The following KIF13A variants were observed in gnomAD, a reference collection of about 807,000 sequenced individuals.
KIF13A encodes the protein kinesin-like protein KIF13A.
KIF13A carries 79 observed loss-of-function variants against 212.2 expected under a neutral mutation model. The observed-to-expected ratio is 0.37, with a 90% CI of 0.31 to 0.45. The LOEUF (loss-of-function observed/expected upper bound fraction) is 0.45, where lower values mean the gene tolerates loss of function less well. Among genes scored for constraint, KIF13A ranks in the 20% least tolerant of loss-of-function variants. The pLI is 1.00. For missense variants in KIF13A, 1,901 were observed against 2,209.0 expected (o/e 0.86, Z 2.79); for synonymous variants, 789 against 808.6 (o/e 0.98, Z 0.41).
rs1761166246 is a variant in KIF13A at position 17,787,580 on chromosome 6, GT to G, written c.3361+195del. ...GCAGGAGGATCTCTTGAGGCCAGGA[GT>G]TAGAGGCTGCAGTGAGATATGATCC... On this transcript the variant is annotated intron_variant, in intron 27 of 38. Coordinates refer to ENST00000259711, the MANE Select transcript of KIF13A (RefSeq NM_022113.6). This position sits in a 1 kb window ranked among gnomAD's most constrained non-coding sequence, Gnocchi z 4.6. 6.6e-6 allele frequency among the ~76,000 whole-genome samples: 1 copy of G among 152,186 alleles called. No homozygotes were observed. The highest frequency in any genetic ancestry group is 1.5e-5 in the Non-Finnish European group (1 of 68,038).
chr6:17,897,333 C>G lies in KIF13A; in HGVS notation c.159+835G>C, dbSNP rs1247592861. Among the ~76,000 whole-genome samples, 2 of 152,306 alleles carry G rather than the reference C, an allele frequency of 1.3e-5. No homozygotes were observed. The highest frequency in any genetic ancestry group is 3.9e-4 in the East Asian group (2 of 5,188). On this transcript the variant is annotated intron_variant, in intron 3 of 38. Transcript: ENST00000259711. The surrounding 1 kb of genome is among the most constrained non-coding windows in gnomAD (Gnocchi z 4.8). ...TAGGTAAAGCCTGTTCTAATCCTAT[C>G]TCAAGAACCACAGCTATAATCAGTA...
At chr6:17,907,910 A>G (rs1262586861) in intron 2 of KIF13A, among the ~76,000 whole-genome samples, 1 of 152,164 alleles carries the variant, frequency 6.6e-6, no homozygotes, top group Non-Finnish European at 1.5e-5. Context: ...ACATGGCCAG[A>G]TCTGTTTTAG....
chr6:17,971,652 T>C lies in KIF13A; in HGVS notation c.146+15402A>G, dbSNP rs1280742386. Among the ~76,000 whole-genome samples the C allele has an allele frequency of 5.3e-5, 8 of 152,126 alleles. No homozygotes were observed. Among genetic ancestry groups the C allele is most frequent in the Admixed American group, 5.2e-4 (8 of 15,272 alleles). ...GTTGCCCAGGCTGGTCTCAAGCTCC[T>C]GGGCCCAAGCGATCCTCCCACCTCT... On this transcript the variant is annotated intron_variant, in intron 2 of 38. Coordinates refer to ENST00000259711, the MANE Select transcript of KIF13A (RefSeq NM_022113.6). This position sits in a 1 kb window ranked among gnomAD's most constrained non-coding sequence, Gnocchi z 4.2.
rs1760758410 is a variant in KIF13A at position 17,783,167 on chromosome 6, A to G, written c.3544+479T>C. Among the ~76,000 whole-genome samples the G allele has an allele frequency of 6.6e-6, 1 of 152,234 alleles. No homozygotes were observed. The highest frequency in any genetic ancestry group is 1.5e-5 in the Non-Finnish European group (1 of 68,038). On this transcript the variant is annotated intron_variant, in intron 29 of 38. Transcript: ENST00000259711. The surrounding 1 kb of genome is among the most constrained non-coding windows in gnomAD (Gnocchi z 4.3). Reference sequence around the variant, plus strand: ...TGGGGTTCCAGTTAATATTTCGTTTAGAAAAGGATTGTTCTGCTAAAGCAC... The same window carrying G: ...TGGGGTTCCAGTTAATATTTCGTTTGGAAAAGGATTGTTCTGCTAAAGCAC...
In KIF13A at chr6:17,843,468, G is replaced by A. The variant is rs924643609; in HGVS notation, c.831-5885C>T. On this transcript the variant is annotated intron_variant, in intron 9 of 38. Coordinates refer to ENST00000259711, the MANE Select transcript of KIF13A (RefSeq NM_022113.6). The surrounding 1 kb of genome is among the most constrained non-coding windows in gnomAD (Gnocchi z 5.3). Reference sequence around the variant, plus strand: ...GAAAACTGTTGTTCTTCTGATAAAAGAAGGTACAAATTCAGCTGACAGAAG... The same window carrying A: ...GAAAACTGTTGTTCTTCTGATAAAAAAAGGTACAAATTCAGCTGACAGAAG... 1.3e-5 allele frequency among the ~76,000 whole-genome samples: 2 copies of A among 152,206 alleles called. No homozygotes were observed. Among genetic ancestry groups the A allele is most frequent in the African/African-American group, 4.8e-5 (2 of 41,454 alleles).
intron 2 of KIF13A, among the ~76,000 whole-genome samples, chr6:17,985,962 T>C (rs1311863039): frequency 6.6e-6 from 1 of 152,180 alleles, no homozygotes; most frequent in Non-Finnish European, 1.5e-5. Context: ...CCCAATCTTA[T>C]CGCCTCATGA....
chr6:17,969,449 TA>T (rs777126052), intron 2 of KIF13A, among the ~76,000 whole-genome samples: 17 of 152,340 alleles, frequency 1.1e-4, no homozygotes, highest in Non-Finnish European at 1.9e-4. Context: ...TTAGTTAGCA[TA>T]GGGGATTCAT....
At chr6:17,977,937 T>A (rs184356546) in intron 2 of KIF13A, among the ~76,000 whole-genome samples, 7 of 152,356 alleles carry the variant, frequency 4.6e-5, no homozygotes, top group Non-Finnish European at 1.0e-4. Flanking sequence ...GCAAAAACAT[T>A]TTAGAGTGTC....
chr6:17,824,000 T>C (rs1764711306), intron 16 of KIF13A, among the ~76,000 whole-genome samples: 2 of 149,998 alleles, frequency 1.3e-5, no homozygotes, highest in African/African-American at 4.9e-5. Context: ...CTCTGCCTCC[T>C]GGGTTCAAGC....
rs527334833 is a variant in KIF13A at position 17,934,940 on chromosome 6, C to A, written c.147-36760G>T. On this transcript the variant is annotated intron_variant, in intron 2 of 38. Transcript: ENST00000259711. This position sits in a 1 kb window ranked among gnomAD's most constrained non-coding sequence, Gnocchi z 5.4. ...CCCTTTACCTTGCAGTGAGGCAGAT[C>A]CTGTATTGATTTATTACTGCAATAC... Among the ~76,000 whole-genome samples the A allele has an allele frequency of 6.6e-6, 1 of 152,286 alleles. No individual in the cohort carries two copies. The highest frequency in any genetic ancestry group is 2.4e-5 in the African/African-American group (1 of 41,566).
chr6:17,929,070 A>AAAAAAAAAAAAAAC (rs1775754093), intron 2 of KIF13A, among the ~76,000 whole-genome samples: 1 of 52,404 alleles, frequency 1.9e-5, no homozygotes, highest in Admixed American at 2.1e-4. Flanking sequence ...AAAAAAAAAA[A>AAAAAAAAAAAAAAC]AAAAAAAAAA....
rs1455344325 is a variant in KIF13A, at chr6:17,764,781, C to T, written c.4747G>A (p.Glu1583Lys). ...GTAGGGCTACGGGACACTTCTTTCT[C>T]CAAGACCCGTGAGTTTGACAGATCT... is the stretch of plus-strand genomic sequence containing the variant. ...KVDLSNSRVL[E>K]KEVSRSPTTS... The change falls in exon 39 of 39, where the codon GAG becomes AAG. Residue 1583 changes from glutamate (E) to lysine (K), a missense_variant. By Grantham distance (56) the Glu-to-Lys change is moderately conservative (BLOSUM62 1). Around this residue, in one of 5 missense-constraint regions of KIF13A, gnomAD observed 687 missense variants for 759.1 expected, o/e 0.90. Transcript: ENST00000259711. This position sits in a 1 kb window ranked among gnomAD's most constrained non-coding sequence, Gnocchi z 5.1. 6.2e-7 allele frequency: 1 copy of T among 1,613,008 alleles called. No homozygotes were observed. The highest frequency in any genetic ancestry group is 8.5e-7 in the Non-Finnish European group (1 of 1,179,512).
At chr6:17,835,535 A>G (rs1001183184) in intron 11 of KIF13A, among the ~76,000 whole-genome samples, 3 of 152,258 alleles carry the variant, frequency 2.0e-5, no homozygotes, top group African/African-American at 7.2e-5. Flanking sequence ...AATAAAAATC[A>G]GCAACATTTA....
At position 17,772,314 on chromosome 6, in the gene KIF13A, C is replaced by T. The variant is rs1450207020; in HGVS notation, c.4325-255G>A. 6.6e-6 allele frequency among the ~76,000 whole-genome samples: 1 copy of T among 151,922 alleles called. No homozygotes were observed. The highest frequency in any genetic ancestry group is 6.6e-5 in the Admixed American group (1 of 15,240). ...GTACTTGCTACTCAGGAGGCTGAGG[C>T]GAGAAGATCGCTTGAGCCCCAGGGG... is the stretch of plus-strand genomic sequence containing the variant. On this transcript the variant is annotated intron_variant, in intron 36 of 38. Transcript: ENST00000259711. This position sits in a 1 kb window ranked among gnomAD's most constrained non-coding sequence, Gnocchi z 4.8.
intron 3 of KIF13A, among the ~76,000 whole-genome samples, chr6:17,889,666 T>C (rs545632946): frequency 6.6e-6 from 1 of 152,276 alleles, no homozygotes; most frequent in South Asian, 2.1e-4. Flanking sequence ...CTTGTCCCTC[T>C]GTATCCTTGG....
rs1761101048 is a variant in KIF13A, at chr6:17,786,842, C to T, written c.3361+934G>A. Among the ~76,000 whole-genome samples, 1 of 152,150 alleles carries T rather than the reference C, an allele frequency of 6.6e-6. No homozygotes were observed. The highest frequency in any genetic ancestry group is 1.5e-5 in the Non-Finnish European group (1 of 68,022). ...GTGTTTTCCTGAGGGAGACTTTCTG[C>T]TAGCTTCTACATGAAATGGATTAAC... is the stretch of plus-strand genomic sequence containing the variant. On this transcript the variant is annotated intron_variant, in intron 27 of 38. Coordinates refer to ENST00000259711, the MANE Select transcript of KIF13A (RefSeq NM_022113.6). This position sits in a 1 kb window ranked among gnomAD's most constrained non-coding sequence, Gnocchi z 5.4.
In KIF13A at chr6:17,968,854, GACTAGAAGC is replaced by G. The variant is rs1779553703; in HGVS notation, c.146+18191_146+18199del. Among the ~76,000 whole-genome samples, 1 of 152,202 alleles carries G rather than the reference GACTAGAAGC, an allele frequency of 6.6e-6. No individual in the cohort carries two copies. Among genetic ancestry groups the G allele is most frequent in the Admixed American group, 6.5e-5 (1 of 15,278 alleles). ...GAAATTAGAGGTCTCAGAGGGCCCAGACTAGAAGCACTAGAACCACCAGTGATGTGACAG... is the reference window on the plus strand; with the variant it reads ...GAAATTAGAGGTCTCAGAGGGCCCAGACTAGAACCACCAGTGATGTGACAG... On this transcript the variant is annotated intron_variant, in intron 2 of 38. Coordinates refer to ENST00000259711, the MANE Select transcript of KIF13A (RefSeq NM_022113.6). The surrounding 1 kb of genome is among the most constrained non-coding windows in gnomAD (Gnocchi z 4.7).
intron 2 of KIF13A, among the ~76,000 whole-genome samples, chr6:17,975,358 G>A (rs571084748): frequency 5.9e-5 from 9 of 152,222 alleles, no homozygotes; most frequent in Admixed American, 3.9e-4. Context: ...GAATGAAGCT[G>A]CGGACCCTCA....
chr6:17,901,081 C>CAAA (rs34266366), intron 2 of KIF13A, among the ~76,000 whole-genome samples: 14 of 70,272 alleles, frequency 2.0e-4, no homozygotes, highest in Non-Finnish European at 2.2e-4. Flanking sequence ...GACTCTGTCT[C>CAAA]AAAAAAAAAA....
Sources: allele counts gnomAD v4.1 joint callset (sites outside exome capture counted in the v4.1 genomes callset), GRCh38; gene constraint gnomAD v4.1.1; regional missense constraint gnomAD v4.1.1; non-coding constraint Gnocchi (gnomAD v3.1); transcripts MANE v1.5; gene names NCBI Gene and HGNC (gene_info 2026-07-23, HGNC 2026-07-21).